PARD3: variants seen among roughly 807,000 people sequenced by gnomAD.
PARD3 encodes partitioning defective 3 homolog.
Under a neutral mutation model 155.4 loss-of-function variants are expected in PARD3, and 75 were observed. The ratio of observed to expected loss-of-function variants is 0.48; its 90% CI spans 0.40 to 0.58. The LOEUF is 0.58. Among genes scored for constraint, PARD3 ranks in the 20% least tolerant of loss-of-function variants. The probability of loss-of-function intolerance (pLI) is 0.00; values close to 1 mark genes in which losing one functional copy is unlikely to be tolerated. For missense variants in PARD3, 1,642 were observed against 1,721.7 expected (o/e 0.95, Z 0.82); for synonymous variants, 576 against 610.5 (o/e 0.94, Z 0.83).
intron 22 of PARD3, among the ~76,000 whole-genome samples, chr10:34,220,144 T>C (rs540624681): frequency 3.3e-4 from 50 of 152,338 alleles, no homozygotes; most frequent in South Asian, 1.2e-3. Flanking sequence ...TTGTCCTCTT[T>C]ATGGCATTCT....
chr10:34,618,358 T>C (rs949571554), intron 2 of PARD3, among the ~76,000 whole-genome samples: 1 of 152,212 alleles, frequency 6.6e-6, no homozygotes, highest in African/African-American at 2.4e-5. Flanking sequence ...CCGCAAACAC[T>C]GAAATAGATT....
At chr10:34,352,626 C>T (rs901198428) in intron 14 of PARD3, among the ~76,000 whole-genome samples, 1 of 152,234 alleles carries the variant, frequency 6.6e-6, no homozygotes, top group East Asian at 1.9e-4. Context: ...GGATTGCAGA[C>T]GGAGTCTCGC....
At chr10:34,772,884 C>A (rs1325066560) in intron 1 of PARD3, among the ~76,000 whole-genome samples, 2 of 151,084 alleles carry the variant, frequency 1.3e-5, no homozygotes, top group Non-Finnish European at 1.5e-5. Flanking sequence ...AATACCTTTG[C>A]AAATACAGAA....
At chr10:34,153,837 C>A (rs956809767) in intron 22 of PARD3, among the ~76,000 whole-genome samples, 4 of 152,128 alleles carry the variant, frequency 2.6e-5, no homozygotes, top group African/African-American at 9.7e-5. Flanking sequence ...CAAATGATGA[C>A]ACTATTTACA....
chr10:34,354,554 T>A (rs1354879633), intron 14 of PARD3, among the ~76,000 whole-genome samples: 2 of 152,020 alleles, frequency 1.3e-5, no homozygotes, highest in African/African-American at 4.8e-5. Flanking sequence ...GAAACCATGA[T>A]AGTGTGACAG....
intron 2 of PARD3, among the ~76,000 whole-genome samples, chr10:34,616,806 G>A (rs2091284466): frequency 6.6e-6 from 1 of 151,598 alleles, no homozygotes; most frequent in African/African-American, 2.4e-5. Context: ...ATGGTGGCAT[G>A]GGTCTATGGT....
intron 2 of PARD3, among the ~76,000 whole-genome samples, chr10:34,671,701 G>A (rs994088690): frequency 3.3e-5 from 5 of 152,162 alleles, no homozygotes; most frequent in African/African-American, 1.2e-4. Context: ...TTCCACATCA[G>A]GGAGAATTCT....
chr10:34,350,585 A>G (rs1837946429), intron 14 of PARD3, among the ~76,000 whole-genome samples: 1 of 132,060 alleles, frequency 7.6e-6, no homozygotes, highest in Admixed American at 8.7e-5. Context: ...GTGAGCCGAG[A>G]TCACGCCACT....
At chr10:34,687,844 AT>A (rs2093976711) in intron 2 of PARD3, among the ~76,000 whole-genome samples, 2 of 57,362 alleles carry the variant, frequency 3.5e-5, no homozygotes, top group African/African-American at 1.1e-4. Context: ...TACACCTGAA[AT>A]CTTTTTTTTT....
At chr10:34,788,338 C>A (rs1312146536) in intron 1 of PARD3, among the ~76,000 whole-genome samples, 1 of 152,188 alleles carries the variant, frequency 6.6e-6, no homozygotes, top group Non-Finnish European at 1.5e-5. Context: ...CAACTCAGCA[C>A]TCTGCTCCAT....
chr10:34,369,303 T>C (rs12251119), intron 12 of PARD3, among the ~76,000 whole-genome samples: 1 of 123,770 alleles, frequency 8.1e-6, no homozygotes, highest in Non-Finnish European at 1.6e-5. Context: ...TTTTGTGATT[T>C]ATTTATTTAT....
chr10:34,502,245 T>G lies in PARD3; in HGVS notation c.403+14734A>C, dbSNP rs542238367. On this transcript the variant is annotated intron_variant, in intron 3 of 24. Coordinates refer to ENST00000374788, the MANE Select transcript of PARD3 (RefSeq NM_001184785.2). ...CAAGACTATGTAGTCACATGAGTCT[T>G]AAACGTGGAAGAGAAGGTCAGAACG... Among the ~76,000 whole-genome samples, 4 of 152,222 alleles carry G rather than the reference T, an allele frequency of 2.6e-5. No homozygotes were observed. The South Asian group carries it at 8.3e-4, about 32-fold the overall frequency.
At chr10:34,303,277 A>G (rs1001093697) in intron 20 of PARD3, among the ~76,000 whole-genome samples, 4 of 151,328 alleles carry the variant, frequency 2.6e-5, no homozygotes, top group African/African-American at 7.3e-5. Flanking sequence ...GCAACTGGCT[A>G]TTGCTACGGC....
intron 22 of PARD3, among the ~76,000 whole-genome samples, chr10:34,136,501 T>C (rs1947905001): frequency 6.6e-6 from 1 of 152,184 alleles, no homozygotes; most frequent in African/African-American, 2.4e-5. Context: ...AACCACTCTT[T>C]TTTTAAAGTA....
At chr10:34,166,984 T>G (rs972629629) in intron 22 of PARD3, among the ~76,000 whole-genome samples, 2 of 152,178 alleles carry the variant, frequency 1.3e-5, no homozygotes, top group African/African-American at 2.4e-5. Flanking sequence ...GAGTGATTTG[T>G]GAGAACAAAT....
chr10:34,501,209 G>A (rs978408765), intron 3 of PARD3, among the ~76,000 whole-genome samples: 20 of 152,234 alleles, frequency 1.3e-4, no homozygotes, highest in African/African-American at 3.9e-4. Context: ...GGTGGGGCCT[G>A]GTGGGAGGTG....
At chr10:34,118,315 G>A (rs147135802) in intron 24 of PARD3, among the ~76,000 whole-genome samples, 20 of 152,256 alleles carry the variant, frequency 1.3e-4, no homozygotes, top group East Asian at 9.7e-4. Context: ...GGTGAAGTCC[G>A]TTGTGGTTGT....
At chr10:34,450,590 A>G (rs1230450346) in intron 4 of PARD3, 142 bp from the exon 5 acceptor site, 3 of 768,768 alleles carry the variant, frequency 3.9e-6, no homozygotes, top group Non-Finnish European at 6.1e-6. Context: ...TAGCTGATTG[A>G]GGACATTCCA....
chr10:34,155,392 A>G (rs1948958554), intron 22 of PARD3, among the ~76,000 whole-genome samples: 1 of 152,210 alleles, frequency 6.6e-6, no homozygotes, highest in Admixed American at 6.5e-5. Context: ...ACAATAGAGG[A>G]GACTACAGCA....
Sources: allele counts gnomAD v4.1 joint callset (sites outside exome capture counted in the v4.1 genomes callset), GRCh38; gene constraint gnomAD v4.1.1; transcripts MANE v1.5; gene names NCBI Gene and HGNC (gene_info 2026-07-23, HGNC 2026-07-21).